The following PGPEP1L variants were observed in gnomAD, a reference collection of about 807,000 sequenced individuals.
PGPEP1L encodes pyroglutamyl-peptidase 1-like protein.
A neutral mutation model predicts 6.0 loss-of-function variants in PGPEP1L; 7 were observed. The ratio of observed to expected loss-of-function variants is 1.17; its 90% CI spans 0.66 to 2.19. The LOEUF (loss-of-function observed/expected upper bound fraction) is 2.19. Among genes scored for constraint, PGPEP1L ranks in the 30% most tolerant of loss-of-function variants. The pLI is 0.00. For missense variants in PGPEP1L, 209 were observed against 192.5 expected, an observed-to-expected ratio of 1.09 and a Z score of -0.51; for synonymous variants, 103 against 83.9, an observed-to-expected ratio of 1.23 and a Z score of -1.24.
intron 2 of PGPEP1L, among the ~76,000 whole-genome samples, chr15:98,971,920 T>C (rs1450382730): frequency 6.6e-6 from 1 of 152,238 alleles, no homozygotes; most frequent in African/African-American, 2.4e-5. Context: ...TGGTGTTAAA[T>C]TGTAGTTTGT....
At position 98,968,281 on chromosome 15, in the gene PGPEP1L, C is replaced by T. The variant is rs951662521; in HGVS notation, c.*197G>A. 1.7e-5 allele frequency: 10 copies of T among 603,322 alleles called. No individual in the cohort carries two copies. The highest frequency in any genetic ancestry group is 8.9e-5 in the Admixed American group (3 of 33,810). The allele number at this position is 603,322 out of a possible 1,614,324, so 37.4% of individuals were successfully genotyped here. A position where few individuals can be genotyped will look rare whatever the true frequency, so the allele number is the denominator to read the frequency against. On this transcript the variant is annotated 3_prime_UTR_variant, in exon 5 of 5. Transcript: ENST00000535714. ...AAAACCATAACTGAAGCTAGTTCAT[C>T]CCCTGTGAAATGTCCACCTTTCAGA...
rs537621695 is a variant in PGPEP1L at position 99,005,521 on chromosome 15, G to C, written c.-234C>G. 2 of 152,336 alleles carry C rather than the reference G, an allele frequency of 1.3e-5. No individual in the cohort carries two copies. Among genetic ancestry groups the C allele is most frequent in the African/African-American group, 4.8e-5 (2 of 41,470 alleles). The allele number at this position is 152,336 out of a possible 1,614,324, so 9.4% of individuals were successfully genotyped here. On this transcript the variant is annotated 5_prime_UTR_variant, in exon 2 of 5. Coordinates refer to ENST00000535714, the MANE Select transcript of PGPEP1L (RefSeq NM_001167902.2). Reference sequence around the variant, plus strand: ...TGGCTCAGGCAGCGGCCCAGCGGCCGGGCTCTGCGCGCTCTGAGCTCCGGG... The same window carrying C: ...TGGCTCAGGCAGCGGCCCAGCGGCCCGGCTCTGCGCGCTCTGAGCTCCGGG...
At chr15:98,978,629 C>T (rs1372218479) in intron 2 of PGPEP1L, among the ~76,000 whole-genome samples, 2 of 151,432 alleles carry the variant, frequency 1.3e-5, no homozygotes, top group African/African-American at 2.4e-5. Context: ...CCAAATTAGA[C>T]ATTCTGCTGC....
chr15:99,006,790 C>T (rs1311358319), intron 1 of PGPEP1L, among the ~76,000 whole-genome samples: 1 of 152,116 alleles, frequency 6.6e-6, no homozygotes, highest in Non-Finnish European at 1.5e-5. Context: ...AGAGTGAGAC[C>T]CTGTCTCTAA....
At position 99,005,481 on chromosome 15, in the gene PGPEP1L, C is replaced by G. The variant is rs2018039585; in HGVS notation, c.-194G>C. ...AATCCATGAAGACGAAGTGGGAGCT[C>G]GCGCTGCGCCTCCCTGGCTCAGGCA... On this transcript the variant is annotated 5_prime_UTR_variant, in exon 2 of 5. Coordinates refer to ENST00000535714, the MANE Select transcript of PGPEP1L (RefSeq NM_001167902.2). 6.6e-6 allele frequency: 1 copy of G among 152,486 alleles called. No homozygotes were observed. Among genetic ancestry groups the G allele is most frequent in the Admixed American group, 6.5e-5 (1 of 15,290 alleles). 9.4% of individuals were successfully genotyped at this position (152,486 alleles called of 1,614,324 possible). A position where few individuals can be genotyped will look rare whatever the true frequency, so the allele number is the denominator to read the frequency against.
chr15:98,990,004 C>A (rs1057326758), intron 2 of PGPEP1L, among the ~76,000 whole-genome samples: 5 of 152,160 alleles, frequency 3.3e-5, no homozygotes, highest in African/African-American at 1.2e-4. Flanking sequence ...AAAGGAACCA[C>A]CGGTAACAGC....
intron 2 of PGPEP1L, among the ~76,000 whole-genome samples, chr15:99,002,051 A>G (rs1300436798): frequency 1.3e-5 from 2 of 152,176 alleles, no homozygotes; most frequent in Admixed American, 1.3e-4. Context: ...TCACTCTGTC[A>G]TGCAGGCTGG....
At chr15:98,977,702 A>G (rs1258766983) in intron 2 of PGPEP1L, among the ~76,000 whole-genome samples, 1 of 152,196 alleles carries the variant, frequency 6.6e-6, no homozygotes. Context: ...GTAGGTTGGT[A>G]GTGTTGTTAA....
intron 2 of PGPEP1L, among the ~76,000 whole-genome samples, chr15:98,974,390 A>AT (rs765886151): frequency 6.1e-4 from 93 of 151,846 alleles, no homozygotes; most frequent in Non-Finnish European, 8.1e-4. Flanking sequence ...AAAAAAAATA[A>AT]AAATAAAAAT....
intron 2 of PGPEP1L, among the ~76,000 whole-genome samples, chr15:98,987,165 C>CAAAA (rs57923635): frequency 0.01 from 337 of 33,316 alleles, 32 homozygotes; most frequent in Middle Eastern, 0.025. Flanking sequence ...GACTCCATCT[C>CAAAA]AAAAAAAAAA....
intron 2 of PGPEP1L, among the ~76,000 whole-genome samples, chr15:98,974,216 A>G (rs2017536781): frequency 6.6e-6 from 1 of 151,948 alleles, no homozygotes; most frequent in South Asian, 2.1e-4. Context: ...GTCTGTACTA[A>G]AAGAATACAA....
At chr15:98,987,061 G>T (rs1323540139) in intron 2 of PGPEP1L, among the ~76,000 whole-genome samples, 1 of 150,264 alleles carries the variant, frequency 6.7e-6, no homozygotes, top group Admixed American at 6.7e-5. Context: ...CAGCTAATTG[G>T]GAGGCTGAGA....
At chr15:98,969,739 G>A in intron 3 of PGPEP1L, 88 bp from the exon 4 acceptor site, 11 of 1,383,256 alleles carry the variant, frequency 8.0e-6, no homozygotes, top group African/African-American at 1.4e-5. Context: ...CTCCTTTTGA[G>A]AGCCCGGCTC....
At chr15:99,003,016 C>A (rs182770174) in intron 2 of PGPEP1L, among the ~76,000 whole-genome samples, 1 of 152,074 alleles carries the variant, frequency 6.6e-6, no homozygotes, top group South Asian at 2.1e-4. Flanking sequence ...TGGGTCTAGA[C>A]CCACAAACAG....
At position 99,007,412 on chromosome 15, in the gene PGPEP1L, C is replaced by G. The variant is rs571546197; in HGVS notation, c.-423G>C. On this transcript the variant is annotated 5_prime_UTR_variant, in exon 1 of 5. An upstream open reading frame in the 5' UTR loses its in-frame stop. Transcript: ENST00000535714. ...GGCGGATTCTTGGTCTCACTGACTT[C>G]AAGAACGAAGCCGCGGACCCTGGCG... 1.3e-5 allele frequency: 2 copies of G among 152,590 alleles called. No individual in the cohort carries two copies. Among genetic ancestry groups the G allele is most frequent in the African/African-American group, 2.4e-5 (1 of 41,590 alleles). The allele number at this position is 152,590 out of a possible 1,614,324, so 9.5% of individuals were successfully genotyped here. A position where few individuals can be genotyped will look rare whatever the true frequency, so the allele number is the denominator to read the frequency against.
chr15:98,979,907 A>G (rs970482268), intron 2 of PGPEP1L, among the ~76,000 whole-genome samples: 2 of 152,024 alleles, frequency 1.3e-5, no homozygotes, highest in African/African-American at 2.4e-5. Flanking sequence ...CTCGGAGACT[A>G]TTATTCTAAG....
At chr15:99,005,318 TC>T (rs1210805062) in intron 2 of PGPEP1L, 110 bp downstream of exon 2, 3 of 152,292 alleles carry the variant, frequency 2.0e-5, no homozygotes, top group African/African-American at 7.2e-5. Flanking sequence ...CAGTTGCCAT[TC>T]TTTTTTTCCC....
intron 2 of PGPEP1L, among the ~76,000 whole-genome samples, chr15:98,985,514 G>A (rs1450598261): frequency 1.3e-5 from 2 of 152,168 alleles, no homozygotes; most frequent in Non-Finnish European, 2.9e-5. Flanking sequence ...CTCCAGCCTG[G>A]GCAACAGAAC....
At chr15:98,980,805 G>A (rs939271083) in intron 2 of PGPEP1L, among the ~76,000 whole-genome samples, 5 of 152,086 alleles carry the variant, frequency 3.3e-5, no homozygotes, top group African/African-American at 4.8e-5. Flanking sequence ...GGTGGCATGT[G>A]CCTGTAGTCC....
Sources: gnomAD v4.1 joint callset for allele counts (sites outside exome capture counted in the v4.1 genomes callset) on GRCh38, gnomAD v4.1.1 for gene constraint, MANE v1.5 for transcripts, NCBI Gene and HGNC (gene_info 2026-07-23, HGNC 2026-07-21) for gene names.